The following SLC1A2 variants were observed in gnomAD, a reference collection of about 807,000 sequenced individuals.
SLC1A2 encodes the protein solute carrier family 1 member 2.
Under a neutral mutation model 48.8 loss-of-function variants are expected in SLC1A2, and 15 were observed. The ratio of observed to expected loss-of-function variants is 0.31; its 90% confidence interval spans 0.21 to 0.47. The LOEUF (loss-of-function observed/expected upper bound fraction) is 0.47, where lower values mean the gene tolerates loss of function less well. SLC1A2 is among the 20% of genes least tolerant of loss of function. The pLI is 0.99. For missense variants in SLC1A2, 502 were observed against 730.5 expected (o/e 0.69, Z 3.61); for synonymous variants, 279 against 272.6 (o/e 1.02, Z -0.23).
intron 6 of SLC1A2, among the ~76,000 whole-genome samples, 174 bp downstream of exon 6, chr11:35,301,345 C>G (rs1224770183): frequency 1.3e-5 from 2 of 152,216 alleles, no homozygotes; most frequent in African/African-American, 4.8e-5. Flanking sequence ...TTTGTCTACA[C>G]TTGTTCTAGG....
Position 35,275,892 on chromosome 11 carries a change from C to T in SLC1A2, c.1421+4975G>A, listed in dbSNP as rs556227927. On this transcript the variant is annotated intron_variant, in intron 9 of 10. Coordinates refer to ENST00000278379, the MANE Select transcript of SLC1A2 (RefSeq NM_004171.4). Reference sequence around the variant, plus strand: ...CCACCACCACTTACACACTAATGAGCACCCAATAGTCACAGAGCTCACAAC... The same window carrying T: ...CCACCACCACTTACACACTAATGAGTACCCAATAGTCACAGAGCTCACAAC... Among the ~76,000 whole-genome samples the T allele has an allele frequency of 1.1e-4, 16 of 152,238 alleles. No homozygotes were observed. The East Asian group carries it at 3.1e-3, about 29-fold the overall frequency.
At chr11:35,336,455 T>C (rs1393670125) in intron 1 of SLC1A2, among the ~76,000 whole-genome samples, 1 of 152,216 alleles carries the variant, frequency 6.6e-6, no homozygotes, top group Non-Finnish European at 1.5e-5. Flanking sequence ...TGGGCTTTGA[T>C]ATTAATAACA....
chr11:35,278,511 T>C (rs1332686798), intron 9 of SLC1A2, among the ~76,000 whole-genome samples: 1 of 152,012 alleles, frequency 6.6e-6, no homozygotes, highest in Non-Finnish European at 1.5e-5. Flanking sequence ...ACTCCCGACC[T>C]CAGGTGATCT....
chr11:35,409,310 T>A (rs1032209860), intron 1 of SLC1A2, among the ~76,000 whole-genome samples: 1 of 152,176 alleles, frequency 6.6e-6, no homozygotes, highest in African/African-American at 2.4e-5. Context: ...TGTTCACTTT[T>A]CCCCAGGTAA....
intron 7 of SLC1A2, among the ~76,000 whole-genome samples, chr11:35,289,923 C>T (rs768229129): frequency 6.6e-6 from 1 of 152,012 alleles, no homozygotes; most frequent in Non-Finnish European, 1.5e-5. Context: ...CAGGAAGGGA[C>T]GAATACCTCA....
chr11:35,351,528 A>G (rs982243497), intron 1 of SLC1A2, among the ~76,000 whole-genome samples: 2 of 152,248 alleles, frequency 1.3e-5, no homozygotes, highest in African/African-American at 4.8e-5. Flanking sequence ...GTAATATTGA[A>G]TGACCCCATC....
chr11:35,304,238 T>A (rs1470467444), intron 5 of SLC1A2, among the ~76,000 whole-genome samples: 1 of 152,056 alleles, frequency 6.6e-6, no homozygotes, highest in East Asian at 1.9e-4. Flanking sequence ...ACCAAGACTC[T>A]GGAAACAACC....
intron 6 of SLC1A2, 97 bp downstream of exon 6, chr11:35,301,422 C>T: frequency 1.8e-6 from 2 of 1,113,560 alleles, no homozygotes; most frequent in East Asian, 4.9e-5. Context: ...TTGATCAGCC[C>T]ATGCCAACTT....
At chr11:35,393,175 C>T (rs1854835794) in intron 1 of SLC1A2, among the ~76,000 whole-genome samples, 1 of 152,168 alleles carries the variant, frequency 6.6e-6, no homozygotes, top group Non-Finnish European at 1.5e-5. Context: ...GTGGTGCTAG[C>T]AGGTGGCAGA....
intron 1 of SLC1A2, among the ~76,000 whole-genome samples, chr11:35,406,208 C>T (rs1310454759): frequency 6.6e-6 from 1 of 152,130 alleles, no homozygotes; most frequent in Non-Finnish European, 1.5e-5. Flanking sequence ...GAAGCCTTCC[C>T]TCCTTCTCCA....
chr11:35,278,765 T>A (rs1433584242), intron 9 of SLC1A2, among the ~76,000 whole-genome samples: 1 of 152,020 alleles, frequency 6.6e-6, no homozygotes, highest in Non-Finnish European at 1.5e-5. Flanking sequence ...ACCCGTGTAA[T>A]CTCAGCACTG....
At chr11:35,288,005 G>A (rs115462941) in intron 7 of SLC1A2, among the ~76,000 whole-genome samples, 1 of 152,222 alleles carries the variant, frequency 6.6e-6, no homozygotes, top group South Asian at 2.1e-4. Flanking sequence ...TACAGCTTTT[G>A]TCAAAGTTTC....
intron 1 of SLC1A2, among the ~76,000 whole-genome samples, chr11:35,397,631 C>T (rs977175453): frequency 2.0e-5 from 3 of 152,280 alleles, no homozygotes; most frequent in African/African-American, 7.2e-5. Context: ...ATCCTCACCC[C>T]CATGGTGATG....
At chr11:35,286,562 C>CAGGAG (rs1257808436) in intron 8 of SLC1A2, 195 bp downstream of exon 8, 2 of 456,368 alleles carry the variant, frequency 4.4e-6, no homozygotes, top group Non-Finnish European at 7.9e-6. Flanking sequence ...GCAATACAAA[C>CAGGAG]AGGAGGTATT....
At chr11:35,323,364 T>C (rs1419813998) in intron 1 of SLC1A2, 1 of 154,704 alleles carries the variant, frequency 6.5e-6, no homozygotes, top group Non-Finnish European at 1.4e-5. Context: ...TAATGTTACC[T>C]TCTGTGATCA....
At chr11:35,331,904 T>A (rs537950525) in intron 1 of SLC1A2, among the ~76,000 whole-genome samples, 1 of 152,184 alleles carries the variant, frequency 6.6e-6, no homozygotes, top group Non-Finnish European at 1.5e-5. Flanking sequence ...GGGCCATACA[T>A]CTATCCCTGG....
chr11:35,352,788 G>T (rs1448078442), intron 1 of SLC1A2, among the ~76,000 whole-genome samples: 2 of 152,172 alleles, frequency 1.3e-5, no homozygotes, highest in African/African-American at 2.4e-5. Context: ...ACTGCACCAT[G>T]CGAGAAATCA....
At chr11:35,415,757 C>A (rs562137484) in intron 1 of SLC1A2, among the ~76,000 whole-genome samples, 5 of 74,610 alleles carry the variant, frequency 6.7e-5, no homozygotes, top group Non-Finnish European at 1.2e-4. Flanking sequence ...GCTGGCTTTC[C>A]CCTGACCCTT....
intron 1 of SLC1A2, chr11:35,374,400 G>A (rs1202656893): frequency 1.8e-6 from 1 of 555,064 alleles, no homozygotes; most frequent in Non-Finnish European, 3.3e-6. Context: ...CCTAGATCTG[G>A]TCACCTGTCT....
Sources: gnomAD v4.1 joint callset for allele counts (sites outside exome capture counted in the v4.1 genomes callset) on GRCh38, gnomAD v4.1.1 for gene constraint, MANE v1.5 for transcripts, NCBI Gene and HGNC (gene_info 2026-07-23, HGNC 2026-07-21) for gene names.